Variants in NOL4L observed in about 807,000 individuals in gnomAD.
NOL4L encodes nucleolar protein 4 like, also known as nucleolar protein 4-like.
NOL4L carries 7 observed loss-of-function variants against 64.5 expected under a neutral mutation model. The ratio of observed to expected loss-of-function variants is 0.11; its 90% CI spans 0.06 to 0.20. The LOEUF (loss-of-function observed/expected upper bound fraction) is 0.20. Among genes scored for constraint, NOL4L ranks in the 10% least tolerant of loss-of-function variants. The pLI is 1.00. For missense variants in NOL4L, 680 were observed against 967.1 expected, an observed-to-expected ratio of 0.70 and a Z score of 3.94; for synonymous variants, 413 against 401.0, an observed-to-expected ratio of 1.03 and a Z score of -0.36.
At chr20:32,490,144 A>AAACAAAC (rs543768294) in intron 4 of NOL4L, among the ~76,000 whole-genome samples, 1 of 122,208 alleles carries the variant, frequency 8.2e-6, no homozygotes, top group Admixed American at 9.2e-5. Flanking sequence ...AAAAAAAAAA[A>AAACAAAC]ATATATATAC....
chr20:32,491,664 C>T (rs752467175), intron 4 of NOL4L, among the ~76,000 whole-genome samples: 3 of 152,202 alleles, frequency 2.0e-5, no homozygotes, highest in Non-Finnish European at 2.9e-5. Context: ...ACACGGGCCA[C>T]ACTTTGTAAC....
chr20:32,454,624 C>T (rs1480095339), intron 6 of NOL4L, among the ~76,000 whole-genome samples: 2 of 152,256 alleles, frequency 1.3e-5, no homozygotes, highest in East Asian at 3.8e-4. Context: ...TGCCTCGGGG[C>T]ACCGCTCTGG....
intron 1 of NOL4L, among the ~76,000 whole-genome samples, chr20:32,537,914 G>A (rs1490340816): frequency 1.3e-5 from 2 of 152,130 alleles, no homozygotes; most frequent in Non-Finnish European, 2.9e-5. Flanking sequence ...GAGTAGCTGG[G>A]ATTACAGACA....
At chr20:32,478,263 ACACACACACACTCT>A (rs2015517773) in intron 4 of NOL4L, among the ~76,000 whole-genome samples, 1 of 127,722 alleles carries the variant, frequency 7.8e-6, no homozygotes, top group African/African-American at 2.6e-5. Flanking sequence ...ACACACACAC[ACACACACACACTCT>A]CTCTCTCTCT....
intron 4 of NOL4L, among the ~76,000 whole-genome samples, chr20:32,486,450 A>G (rs2016089032): frequency 6.6e-6 from 1 of 152,150 alleles, no homozygotes; most frequent in Non-Finnish European, 1.5e-5. Flanking sequence ...TGCTTTTGTA[A>G]ACAGATGATT....
chr20:32,472,875 A>AC (rs1439725694), intron 5 of NOL4L, among the ~76,000 whole-genome samples: 3 of 151,630 alleles, frequency 2.0e-5, no homozygotes, highest in Non-Finnish European at 2.9e-5. Flanking sequence ...GTGTCTGACT[A>AC]CCCCAGGCTG....
intron 5 of NOL4L, among the ~76,000 whole-genome samples, chr20:32,457,454 C>T (rs1346931696): frequency 6.6e-6 from 1 of 151,924 alleles, no homozygotes; most frequent in Non-Finnish European, 1.5e-5. Flanking sequence ...AGGGTCACGC[C>T]GGACCCCACC....
intron 1 of NOL4L, among the ~76,000 whole-genome samples, chr20:32,558,355 G>T (rs1376926826): frequency 6.6e-6 from 1 of 152,156 alleles, no homozygotes; most frequent in East Asian, 1.9e-4. Context: ...CTGATTTGCT[G>T]GTCTCTTCTT....
intron 1 of NOL4L, among the ~76,000 whole-genome samples, chr20:32,553,468 C>T (rs1323613397): frequency 1.3e-5 from 2 of 152,362 alleles, no homozygotes; most frequent in African/African-American, 2.4e-5. Flanking sequence ...TGTTCTCTCA[C>T]CTCCAGTGGG....
intron 4 of NOL4L, among the ~76,000 whole-genome samples, chr20:32,487,943 T>TTA (rs2016164998): frequency 6.6e-6 from 1 of 151,956 alleles, no homozygotes; most frequent in African/African-American, 2.4e-5. Flanking sequence ...TATTTTTTTT[T>TTA]TTTTTTGACC....
intron 4 of NOL4L, among the ~76,000 whole-genome samples, chr20:32,487,995 T>A (rs2016167168): frequency 6.6e-6 from 1 of 151,826 alleles, no homozygotes; most frequent in Non-Finnish European, 1.5e-5. Context: ...AGTGGCACGA[T>A]CTGGGCTCAC....
chr20:32,474,587 C>T lies in NOL4L; in HGVS notation c.841+14G>A, dbSNP rs1386469048. The T allele has an allele frequency of 6.2e-7, 1 of 1,604,474 alleles. No homozygotes were observed. The highest frequency in any genetic ancestry group is 8.5e-7 in the Non-Finnish European group (1 of 1,174,664). ...GGCACAGCCCCTCCTCAACTGCCAC[C>T]AAGGGGCACTCACCGTCCTCTTGAC... On this transcript the variant is annotated intron_variant, in intron 5 of 10. Transcript: ENST00000621426.
At position 32,555,822 on chromosome 20, in the gene NOL4L, G is replaced by A. The variant is rs556202121; in HGVS notation, c.322-27909C>T. On this transcript the variant is annotated intron_variant, in intron 1 of 10. Coordinates refer to ENST00000621426, the MANE Select transcript of NOL4L (RefSeq NM_001256798.2). ...TGATTTTGAACTTCCAGCCGCCAGA[G>A]CTGTGAGAATGTCAGTGGTTTAAGC... Among the ~76,000 whole-genome samples, 8 of 152,218 alleles carry A rather than the reference G, an allele frequency of 5.3e-5. No individual in the cohort carries two copies. The South Asian group carries it at 8.3e-4, about 16-fold the overall frequency.
chr20:32,546,662 G>A (rs138440382), intron 1 of NOL4L, among the ~76,000 whole-genome samples: 15 of 151,934 alleles, frequency 9.9e-5, no homozygotes, highest in African/African-American at 3.6e-4. Context: ...TCAAACTCCC[G>A]AACTCAGGTG....
At chr20:32,533,084 G>C (rs1374793159) in intron 1 of NOL4L, among the ~76,000 whole-genome samples, 1 of 152,174 alleles carries the variant, frequency 6.6e-6, no homozygotes, top group Admixed American at 6.5e-5. Context: ...CCAGGGGTTT[G>C]AGTCTAGCCT....
chr20:32,570,971 A>C (rs55677103), intron 1 of NOL4L, among the ~76,000 whole-genome samples: 22,385 of 152,088 alleles, frequency 0.15, 4,875 homozygotes, highest in African/African-American at 0.48. Context: ...AAACTGAAGC[A>C]CAGAGAACTT....
Position 32,543,988 on chromosome 20 carries a change from C to T in NOL4L, c.322-16075G>A, listed in dbSNP as rs530399562. Among the ~76,000 whole-genome samples, 12 of 152,128 alleles carry T rather than the reference C, an allele frequency of 7.9e-5. No individual in the cohort carries two copies. The South Asian group carries it at 2.5e-3, about 32-fold the overall frequency. On this transcript the variant is annotated intron_variant, in intron 1 of 10. Coordinates refer to ENST00000621426, the MANE Select transcript of NOL4L (RefSeq NM_001256798.2). The stretch of plus-strand genomic sequence containing the variant: ...AAAGGTCTTCAGGCAGGCAGGCGGC[C>T]GGCATCGTGGGCAGTGGTGTGTAGG...
At chr20:32,562,163 C>T (rs193204638) in intron 1 of NOL4L, among the ~76,000 whole-genome samples, 2 of 152,308 alleles carry the variant, frequency 1.3e-5, no homozygotes, top group Admixed American at 6.5e-5. Flanking sequence ...AGTCCACTCA[C>T]TGGCCATAGG....
At chr20:32,547,980 C>T (rs1848657954) in intron 1 of NOL4L, among the ~76,000 whole-genome samples, 1 of 152,236 alleles carries the variant, frequency 6.6e-6, no homozygotes, top group Non-Finnish European at 1.5e-5. Flanking sequence ...CCCCAGGAAT[C>T]CTTCCCTGAC....
Sources: gnomAD v4.1 joint callset for allele counts (sites outside exome capture counted in the v4.1 genomes callset) on GRCh38, gnomAD v4.1.1 for gene constraint, MANE v1.5 for transcripts, NCBI Gene and HGNC (gene_info 2026-07-23, HGNC 2026-07-21) for gene names.